Variants in FAM177A1 observed in about 807,000 individuals in gnomAD.
FAM177A1 encodes protein FAM177A1.
Under a neutral mutation model 26.1 loss-of-function variants are expected in FAM177A1, and 22 were observed. That is an observed-to-expected ratio of 0.84 (90% CI 0.60 to 1.20). The LOEUF (loss-of-function observed/expected upper bound fraction) is 1.20, where lower values mean the gene tolerates loss of function less well. Among genes scored for constraint, FAM177A1 ranks in the 50% most tolerant of loss-of-function variants. The pLI, the probability that FAM177A1 is intolerant of heterozygous loss-of-function variation, is 0.00. For synonymous variants in FAM177A1, 95 were observed against 99.3 expected, an observed-to-expected ratio of 0.96 and a Z score of 0.26; for missense variants, 296 against 291.1, an observed-to-expected ratio of 1.02 and a Z score of -0.12.
At chr14:35,066,676 A>AT (rs1454871595) in intron 2 of FAM177A1, among the ~76,000 whole-genome samples, 2 of 152,138 alleles carry the variant, frequency 1.3e-5, no homozygotes, top group African/African-American at 4.8e-5. Context: ...AAGTGCTGGG[A>AT]TTACAGGCGT....
intron 1 of FAM177A1, 169 bp from the exon 2 acceptor site, chr14:35,053,109 A>G (rs1202936033): frequency 1.7e-6 from 1 of 604,782 alleles, no homozygotes; most frequent in African/African-American, 1.9e-5. Flanking sequence ...CATAGTCTTG[A>G]CACTGTACTC....
chr14:35,068,385 T>G (rs925140829), intron 2 of FAM177A1, among the ~76,000 whole-genome samples: 2 of 152,254 alleles, frequency 1.3e-5, no homozygotes, highest in Non-Finnish European at 2.9e-5. Context: ...GTAGATTTAC[T>G]CTCTACTCGT....
intron 2 of FAM177A1, among the ~76,000 whole-genome samples, chr14:35,065,971 A>C (rs960616568): frequency 6.6e-6 from 1 of 150,766 alleles, no homozygotes. Flanking sequence ...CAAAGTGCTG[A>C]GATTACAGGT....
intron 1 of FAM177A1, among the ~76,000 whole-genome samples, chr14:35,051,494 C>T (rs1185638807): frequency 6.6e-6 from 1 of 152,186 alleles, no homozygotes; most frequent in Non-Finnish European, 1.5e-5. Flanking sequence ...CTCACTGCAA[C>T]ATCCACCTCC....
intron 3 of FAM177A1, among the ~76,000 whole-genome samples, chr14:35,078,228 G>T (rs79832710): frequency 0.15 from 23,278 of 152,158 alleles, 2,192 homozygotes; most frequent in East Asian, 0.31. Context: ...ATCAGTTTGG[G>T]TTAAGTTCTT....
chr14:35,077,322 T>G, intron 3 of FAM177A1, 106 bp downstream of exon 3: 1 of 983,628 alleles, frequency 1.0e-6, no homozygotes, highest in Non-Finnish European at 1.6e-6. Context: ...CAATAGGGAG[T>G]TAATCACTGT....
In FAM177A1 at chr14:35,077,196, C is replaced by T. The variant is rs769436856; in HGVS notation, c.386C>T (p.Ala129Val). ...TACTTATGGTTTTACATGCTTCGGG[C>T]TGCTACATCAACTCTCTCAGGTATT... ...GPYLWFYMLRAATSTLSVCDF... is the reference protein window; with the variant it reads ...GPYLWFYMLRVATSTLSVCDF... The change falls in exon 3 of 5, where the codon GCT becomes GTT. Residue 129 changes from alanine to valine, a missense_variant. Transcript: ENST00000280987. 6.2e-7 allele frequency: 1 copy of T among 1,613,724 alleles called. No homozygotes were observed. Among genetic ancestry groups the T allele is most frequent in the African/African-American group, 1.3e-5 (1 of 74,950 alleles).
chr14:35,063,493 G>A (rs1224194960), intron 2 of FAM177A1, among the ~76,000 whole-genome samples: 2 of 151,510 alleles, frequency 1.3e-5, no homozygotes, highest in Non-Finnish European at 2.9e-5. Context: ...CAGGAGAATC[G>A]CTTGAACCTG....
intron 3 of FAM177A1, 84 bp downstream of exon 3, chr14:35,077,300 C>G (rs1443498247): frequency 5.6e-6 from 7 of 1,247,678 alleles, no homozygotes; most frequent in East Asian, 2.3e-5. Context: ...TGTTTCCAAA[C>G]TGAAGGAGAA....
chr14:35,051,914 T>G (rs1205100178), intron 1 of FAM177A1, among the ~76,000 whole-genome samples: 1 of 152,236 alleles, frequency 6.6e-6, no homozygotes, highest in Non-Finnish European at 1.5e-5. Flanking sequence ...ATCCTTTTTT[T>G]GCAATAGCAA....
At chr14:35,067,807 T>C (rs2045262157) in intron 2 of FAM177A1, among the ~76,000 whole-genome samples, 1 of 152,260 alleles carries the variant, frequency 6.6e-6, no homozygotes, top group Non-Finnish European at 1.5e-5. Flanking sequence ...CATATATCTG[T>C]TGACTATTCA....
chr14:35,076,498 G>A (rs1269965915), intron 2 of FAM177A1, among the ~76,000 whole-genome samples: 1 of 151,922 alleles, frequency 6.6e-6, no homozygotes, highest in Non-Finnish European at 1.5e-5. Flanking sequence ...TGTAAATGAC[G>A]AGTTAATGGG....
chr14:35,079,574 T>G (rs2045447970), intron 4 of FAM177A1, among the ~76,000 whole-genome samples: 1 of 152,164 alleles, frequency 6.6e-6, no homozygotes, highest in African/African-American at 2.4e-5. Flanking sequence ...GAATTCAAAA[T>G]CCGTTCTACC....
chr14:35,060,526 A>T lies in FAM177A1; in HGVS notation c.339+7075A>T, dbSNP rs541814039. Reference sequence around the variant, plus strand: ...TTTCTGTTTCTTTGCATGTCTCATAATTTTTTGTTGGAAACTAGATATTTT... The same window carrying T: ...TTTCTGTTTCTTTGCATGTCTCATATTTTTTTGTTGGAAACTAGATATTTT... On this transcript the variant is annotated intron_variant, in intron 2 of 4. Transcript: ENST00000280987. Among the ~76,000 whole-genome samples, 5 of 151,234 alleles carry T rather than the reference A, an allele frequency of 3.3e-5. No homozygotes were observed. In the South Asian group the frequency reaches 1.0e-3, roughly 32 times the overall value.
intron 3 of FAM177A1, among the ~76,000 whole-genome samples, chr14:35,078,162 A>G (rs1326829080): frequency 2.0e-5 from 3 of 152,326 alleles, no homozygotes; most frequent in East Asian, 1.9e-4. Context: ...GGTTGGTGTA[A>G]TGGAAAGAGC....
chr14:35,046,387 G>A lies in FAM177A1; in HGVS notation c.-77G>A, dbSNP rs1225243941. The A allele has an allele frequency of 1.5e-6, 2 of 1,303,940 alleles. No individual in the cohort carries two copies. The highest frequency in any genetic ancestry group is 3.3e-5 in the East Asian group (1 of 30,226). The allele number at this position is 1,303,940 out of a possible 1,614,324, so 80.8% of individuals were successfully genotyped here. ...TCTCAGAGACTTGGCTAGGCGCGGC[G>A]CGAGGCGGGCGCTGGGCGGGTGAGT... On this transcript the variant is annotated 5_prime_UTR_variant, in exon 1 of 5. Transcript: ENST00000280987.
intron 2 of FAM177A1, among the ~76,000 whole-genome samples, chr14:35,062,850 T>C (rs2045180007): frequency 6.8e-6 from 1 of 147,054 alleles, no homozygotes; most frequent in African/African-American, 2.5e-5. Flanking sequence ...AAAGCAAATA[T>C]AGCAAGTAGC....
Position 35,078,959 on chromosome 14 carries a change from GT to G in FAM177A1, c.443del (p.Leu148TrpfsTer18). ...CTTCCTTGGAGAGAAGATTGCATCT[GT>G]TTTGGGTATCAGCACCCCAAAGTAC... ...CDFLGEKIAS[V>X]LGISTPKYQY... On this transcript the variant is annotated frameshift_variant, in exon 4 of 5. Transcript: ENST00000280987. LOFTEE classifies it high-confidence loss of function. The G allele has an allele frequency of 6.4e-7, 1 of 1,554,074 alleles. No homozygotes were observed. Among genetic ancestry groups the G allele is most frequent in the Non-Finnish European group, 8.6e-7 (1 of 1,161,380 alleles).
At chr14:35,069,548 G>A (rs2045288027) in intron 2 of FAM177A1, among the ~76,000 whole-genome samples, 1 of 151,968 alleles carries the variant, frequency 6.6e-6, no homozygotes, top group African/African-American at 2.4e-5. Flanking sequence ...GCCTCCCAAA[G>A]TGCTGGGATT....
Sources: gnomAD v4.1 joint callset for allele counts (sites outside exome capture counted in the v4.1 genomes callset) on GRCh38, gnomAD v4.1.1 for gene constraint, MANE v1.5 for transcripts, NCBI Gene and HGNC (gene_info 2026-07-23, HGNC 2026-07-21) for gene names.